Variants in CNTNAP2 observed in about 807,000 individuals in gnomAD.
The protein encoded by CNTNAP2 is contactin-associated protein-like 2.
Under a neutral mutation model 155.2 loss-of-function variants are expected in CNTNAP2, and 98 were observed. That is an observed-to-expected ratio of 0.63 (90% confidence interval 0.54 to 0.75). The LOEUF is 0.75. Ranked by LOEUF, CNTNAP2 falls within the 30% of genes least tolerant of loss-of-function variation. CNTNAP2 has a pLI of 0.00. For synonymous variants in CNTNAP2, 651 were observed against 631.2 expected (o/e 1.03, Z -0.47); for missense variants, 1,727 against 1,688.1 (o/e 1.02, Z -0.40).
At chr7:148,214,488 C>T (rs1795603271) in intron 18 of CNTNAP2, among the ~76,000 whole-genome samples, 1 of 152,226 alleles carries the variant, frequency 6.6e-6, no homozygotes, top group African/African-American at 2.4e-5. Flanking sequence ...CAGCAATGAG[C>T]ATGGATTAAG....
rs529672288 is a variant in CNTNAP2 at position 148,174,423 on chromosome 7, C to G, written c.3010+1945C>G. On this transcript the variant is annotated intron_variant, in intron 18 of 23. Transcript: ENST00000361727. ...CTGCACAGCAGTTCCTGTGACCGCC[C>G]CCCACCTCAGGCTGGTGCTTCAGCC... 5.9e-5 allele frequency among the ~76,000 whole-genome samples: 9 copies of G among 152,102 alleles called. No individual in the cohort carries two copies. In the South Asian group the frequency reaches 1.9e-3, roughly 32 times the overall value.
chr7:148,195,108 T>G (rs891108765), intron 18 of CNTNAP2, among the ~76,000 whole-genome samples: 1 of 152,200 alleles, frequency 6.6e-6, no homozygotes, highest in Non-Finnish European at 1.5e-5. Flanking sequence ...CTCTTCTGGG[T>G]GTCAGAAATA....
intron 10 of CNTNAP2, among the ~76,000 whole-genome samples, chr7:147,428,674 A>G (rs1021250803): frequency 2.0e-5 from 3 of 152,136 alleles, no homozygotes; most frequent in Admixed American, 2.0e-4. Flanking sequence ...TATTCACTTA[A>G]AACAGATTCA....
intron 10 of CNTNAP2, among the ~76,000 whole-genome samples, chr7:147,478,164 G>GC (rs1554489668): frequency 2.7e-5 from 4 of 148,874 alleles, no homozygotes; most frequent in Non-Finnish European, 3.0e-5. Flanking sequence ...TTTTTTTTGG[G>GC]TGGTGGGGGA....
intron 4 of CNTNAP2, among the ~76,000 whole-genome samples, chr7:147,074,500 G>A (rs145813098): frequency 5.3e-4 from 80 of 152,176 alleles, no homozygotes; most frequent in African/African-American, 1.3e-3. Flanking sequence ...GACAGTAGCC[G>A]CATCATGGAT....
chr7:146,161,511 G>C (rs113249833), intron 1 of CNTNAP2, among the ~76,000 whole-genome samples: 2 of 152,148 alleles, frequency 1.3e-5, no homozygotes, highest in Admixed American at 6.6e-5. Flanking sequence ...CGAAATAAAA[G>C]AGGACACAAA....
intron 1 of CNTNAP2, among the ~76,000 whole-genome samples, chr7:146,533,993 C>G (rs1215997142): frequency 6.6e-6 from 1 of 152,030 alleles, no homozygotes; most frequent in Non-Finnish European, 1.5e-5. Flanking sequence ...AAATTCCAAT[C>G]TTGTTAGGAA....
At chr7:147,598,272 G>A (rs192210438) in intron 12 of CNTNAP2, among the ~76,000 whole-genome samples, 24 of 151,214 alleles carry the variant, frequency 1.6e-4, no homozygotes, top group Admixed American at 6.6e-4. Context: ...CTATCAACTC[G>A]TCATCTAGGT....
At chr7:147,100,441 G>T (rs1003078269) in intron 4 of CNTNAP2, among the ~76,000 whole-genome samples, 1 of 152,098 alleles carries the variant, frequency 6.6e-6, no homozygotes, top group African/African-American at 2.4e-5. Context: ...TCTAAAAGGT[G>T]TTTAAAACTT....
At chr7:146,241,231 C>A (rs1283347449) in intron 1 of CNTNAP2, among the ~76,000 whole-genome samples, 1 of 152,140 alleles carries the variant, frequency 6.6e-6, no homozygotes, top group Admixed American at 6.5e-5. Context: ...GGAGGTAAGG[C>A]ATTTAGATAT....
At chr7:147,262,257 C>T (rs942115727) in intron 8 of CNTNAP2, among the ~76,000 whole-genome samples, 4 of 152,158 alleles carry the variant, frequency 2.6e-5, no homozygotes, top group African/African-American at 9.6e-5. Context: ...TGCGGAAAGA[C>T]AGAATGCTAA....
chr7:147,407,060 C>A (rs527492249), intron 10 of CNTNAP2, among the ~76,000 whole-genome samples: 9 of 151,292 alleles, frequency 5.9e-5, no homozygotes, highest in Admixed American at 4.0e-4. Flanking sequence ...TCAGTGAAGA[C>A]CCCCCCCTCT....
At chr7:146,675,348 A>G in intron 1 of CNTNAP2, among the ~76,000 whole-genome samples, 1 of 152,280 alleles carries the variant, frequency 6.6e-6, no homozygotes, top group African/African-American at 2.4e-5. Context: ...AAAACCTGAT[A>G]TGTATTTACA....
At chr7:147,560,187 A>AAAAAAAAAAAAAAAAAAAAAAAAC (rs1800034431) in intron 11 of CNTNAP2, among the ~76,000 whole-genome samples, 1 of 150,764 alleles carries the variant, frequency 6.6e-6, no homozygotes, top group African/African-American at 2.4e-5. Context: ...AAAAAAAAAA[A>AAAAAAAAAAAAAAAAAAAAAAAAC]AAAATTGAAT....
intron 13 of CNTNAP2, among the ~76,000 whole-genome samples, chr7:147,738,584 G>T (rs1414768161): frequency 6.6e-6 from 1 of 151,528 alleles, no homozygotes; most frequent in Non-Finnish European, 1.5e-5. Context: ...TTAAATTAAG[G>T]TATGTACATT....
chr7:147,876,118 C>T (rs775370453), intron 13 of CNTNAP2, among the ~76,000 whole-genome samples: 4 of 152,124 alleles, frequency 2.6e-5, no homozygotes, highest in Non-Finnish European at 1.5e-5. Flanking sequence ...GACAACCTAC[C>T]GGAAGAGAAC....
chr7:146,662,439 GTTTGTTTTGT>G (rs1197027109), intron 1 of CNTNAP2, among the ~76,000 whole-genome samples: 1 of 151,990 alleles, frequency 6.6e-6, no homozygotes. Context: ...ACCCAGCCCA[GTTTGTTTTGT>G]TTTGTTTTGT....
chr7:147,089,491 A>G (rs1166369675), intron 4 of CNTNAP2, among the ~76,000 whole-genome samples: 1 of 152,146 alleles, frequency 6.6e-6, no homozygotes. Flanking sequence ...TACTTGATTT[A>G]GCTAATTTAT....
At chr7:146,987,602 A>G (rs554544444) in intron 3 of CNTNAP2, among the ~76,000 whole-genome samples, 83 of 152,274 alleles carry the variant, frequency 5.5e-4, no homozygotes, top group Non-Finnish European at 9.3e-4. Context: ...GCCTCATTCT[A>G]TCTTCTTCGC....
Sources: allele counts gnomAD v4.1 joint callset (sites outside exome capture counted in the v4.1 genomes callset), GRCh38; gene constraint gnomAD v4.1.1; transcripts MANE v1.5; gene names NCBI Gene and HGNC (gene_info 2026-07-23, HGNC 2026-07-21).